Variants in NUP210L observed in about 807,000 individuals in gnomAD.
The protein encoded by NUP210L is nucleoporin 210 like.
A neutral mutation model predicts 208.5 loss-of-function variants in NUP210L; 74 were observed. The ratio of observed to expected loss-of-function variants is 0.35; its 90% CI spans 0.29 to 0.43. NUP210L has a LOEUF of 0.43. NUP210L is among the 20% of genes least tolerant of loss of function. NUP210L has a pLI of 1.00. For missense variants in NUP210L, 1,843 were observed against 2,289.4 expected (o/e 0.81, Z 3.98); for synonymous variants, 780 against 816.9 (o/e 0.95, Z 0.77).
rs531426508 is a variant in NUP210L, at chr1:154,108,805, A to AT, written c.1621-4596dup. ...CAAAAAAGATAGAGTGACTGAATAG[A>AT]TTTTTTTAAAAAAGGCTGAGCACAG... On this transcript the variant is annotated intron_variant, in intron 12 of 39. Coordinates refer to ENST00000368559, the Ensembl canonical transcript of NUP210L. 1.2e-4 allele frequency among the ~76,000 whole-genome samples: 18 copies of AT among 151,848 alleles called. No individual in the cohort carries two copies. In the South Asian group the frequency reaches 2.7e-3, roughly 23 times the overall value.
intron 31 of NUP210L, among the ~76,000 whole-genome samples, chr1:154,022,794 C>T (rs953935605): frequency 1.1e-4 from 17 of 151,270 alleles, no homozygotes; most frequent in Admixed American, 9.9e-4. Flanking sequence ...CCTCCCACCT[C>T]AGCCTCCCTA....
Position 154,033,025 on chromosome 1 carries a change from A to C in NUP210L, c.3697-2971T>G, listed in dbSNP as rs569970618. The stretch of plus-strand genomic sequence containing the variant: ...AGAAAAAAAGAAAGAAAGAAAAAGA[A>C]GGAAGGAAGGAAGGGAAGGGAAGGA... On this transcript the variant is annotated intron_variant, in intron 27 of 39. Coordinates refer to ENST00000368559, the Ensembl canonical transcript of NUP210L. Among the ~76,000 whole-genome samples the C allele has an allele frequency of 4.6e-5, 7 of 151,572 alleles. 1 individual carries two copies. Among genetic ancestry groups the C allele is most frequent in the Middle Eastern group, 6.8e-3 (2 of 294 alleles).
intron 17 of NUP210L, among the ~76,000 whole-genome samples, chr1:154,062,508 T>G (rs1291722423): frequency 6.6e-6 from 1 of 151,970 alleles, no homozygotes; most frequent in African/African-American, 2.4e-5. Flanking sequence ...CATTCATTTT[T>G]CTTTCTCTTT....
chr1:154,055,194 T>C, intron 23 of NUP210L, among the ~76,000 whole-genome samples: 1 of 150,038 alleles, frequency 6.7e-6, no homozygotes, highest in African/African-American at 2.4e-5. Context: ...TTTCTTTTTC[T>C]TTCTTTCTTT....
Position 154,080,954 on chromosome 1 carries a change from A to T in NUP210L, c.2361+8467T>A, listed in dbSNP as rs116662243. ...GTGCCACCATACTCCAACCTGGGCA[A>T]CAGAGCAAGACTGTGCTTCCGAAAA... is the stretch of plus-strand genomic sequence containing the variant. On this transcript the variant is annotated intron_variant, in intron 16 of 39. Coordinates refer to ENST00000368559, the Ensembl canonical transcript of NUP210L. Among the ~76,000 whole-genome samples the T allele has an allele frequency of 9.8e-3, 1,472 of 150,782 alleles. 34 individuals are homozygous for T. The highest frequency in any genetic ancestry group is 0.034 in the African/African-American group (1,410 of 40,906).
intron 33 of NUP210L, among the ~76,000 whole-genome samples, 192 bp from the exon 34 acceptor site, chr1:154,012,562 A>C (rs77052648): frequency 1.4e-5 from 2 of 142,022 alleles, no homozygotes; most frequent in African/African-American, 5.2e-5. Flanking sequence ...TTTTTTTTTT[A>C]ATCAGGGTCT....
chr1:154,115,689 G>T (rs1290393978), intron 12 of NUP210L, among the ~76,000 whole-genome samples: 1 of 151,956 alleles, frequency 6.6e-6, no homozygotes, highest in Non-Finnish European at 1.5e-5. Flanking sequence ...TATCTTCCTA[G>T]TTATACTTTA....
Position 154,001,716 on chromosome 1 carries a change from G to A in NUP210L, c.5181+19C>T. On this transcript the variant is annotated intron_variant, in intron 36 of 39. Transcript: ENST00000368559. ...AATTCCTGATCTCTTGTTCTGTTTT[G>A]GTTCAGTTCTTAACATACCTCTAGC... 6.2e-7 allele frequency: 1 copy of A among 1,610,188 alleles called. No homozygotes were observed. The highest frequency in any genetic ancestry group is 8.5e-7 in the Non-Finnish European group (1 of 1,176,866).
chr1:154,056,685 T>C (rs1653886703), intron 23 of NUP210L, 130 bp downstream of exon 23: 2 of 853,588 alleles, frequency 2.3e-6, no homozygotes, highest in Non-Finnish European at 3.5e-6. Flanking sequence ...CCTCCCAAAG[T>C]GCTCACATGG....
At chr1:154,092,632 C>A (rs1394864375) in intron 15 of NUP210L, among the ~76,000 whole-genome samples, 1 of 151,718 alleles carries the variant, frequency 6.6e-6, no homozygotes, top group East Asian at 1.9e-4. Context: ...AATGATCCAC[C>A]TGCCTCAGCC....
chr1:154,107,469 G>A (rs369468899), intron 12 of NUP210L, among the ~76,000 whole-genome samples: 5 of 133,194 alleles, frequency 3.8e-5, no homozygotes, highest in Admixed American at 8.4e-5. Flanking sequence ...GTGAGACTCC[G>A]TCTCAAAAAA....
intron 25 of NUP210L, among the ~76,000 whole-genome samples, chr1:154,052,430 C>G (rs1262234511): frequency 1.3e-5 from 2 of 152,102 alleles, no homozygotes; most frequent in Non-Finnish European, 2.9e-5. Context: ...CAGCCACCTA[C>G]CCGGGGACAG....
intron 27 of NUP210L, among the ~76,000 whole-genome samples, chr1:154,042,961 CT>C (rs962938213): frequency 6.7e-6 from 1 of 148,606 alleles, no homozygotes; most frequent in Admixed American, 6.8e-5. Context: ...ACGCACCCAC[CT>C]TGGCCTCCCA....
chr1:154,010,831 T>G lies in NUP210L; in HGVS notation c.4781-710A>C, dbSNP rs1325636128. On this transcript the variant is annotated intron_variant, in intron 34 of 39. Transcript: ENST00000368559. ...GTTGCAGTGAGCCGAGATTGCGCCA[T>G]TGCACTCCAGCCTTGGCAACAAGAG... 2.0e-5 allele frequency among the ~76,000 whole-genome samples: 3 copies of G among 151,862 alleles called. No homozygotes were observed. In the East Asian group the frequency reaches 5.8e-4, roughly 30 times the overall value.
intron 12 of NUP210L, chr1:154,104,438 C>G (rs1483387537): frequency 4.1e-5 from 21 of 513,124 alleles, no homozygotes; most frequent in Non-Finnish European, 6.7e-5. Flanking sequence ...ACTGAAGGGG[C>G]AAGAAAAGAG....
chr1:154,127,593 C>T (rs1449295545), intron 8 of NUP210L, among the ~76,000 whole-genome samples, 176 bp from the exon 9 acceptor site: 1 of 149,284 alleles, frequency 6.7e-6, no homozygotes, highest in Non-Finnish European at 1.5e-5. Flanking sequence ...TGCTTTGTCA[C>T]CCAGGCTGGA....
intron 17 of NUP210L, among the ~76,000 whole-genome samples, chr1:154,064,537 G>A (rs1028122253): frequency 6.6e-6 from 1 of 152,060 alleles, no homozygotes; most frequent in Non-Finnish European, 1.5e-5. Flanking sequence ...TGTTCAAGAC[G>A]AGGTTAGGTC....
chr1:154,013,618 C>CA (rs1028495966), intron 33 of NUP210L, among the ~76,000 whole-genome samples: 18 of 151,596 alleles, frequency 1.2e-4, no homozygotes, highest in Admixed American at 4.0e-4. Flanking sequence ...AAAAAACACA[C>CA]AAAAAAAACA....
At chr1:154,127,350 G>A (rs781317282) in exon 9 of NUP210L, 48 of 1,605,758 alleles carry the variant, frequency 3.0e-5, no homozygotes, top group Middle Eastern at 3.3e-4. Flanking sequence ...TATCAAAGAC[G>A]TCTACTGTAA....
Sources: gnomAD v4.1 joint callset for allele counts (sites outside exome capture counted in the v4.1 genomes callset) on GRCh38, gnomAD v4.1.1 for gene constraint, MANE v1.5 for transcripts, NCBI Gene and HGNC (gene_info 2026-07-23, HGNC 2026-07-21) for gene names.